The following FAM13C variants were observed in gnomAD, a reference collection of about 807,000 sequenced individuals.
FAM13C encodes the protein family with sequence similarity 13 member C.
A neutral mutation model predicts 73.2 loss-of-function variants in FAM13C; 37 were observed. The observed-to-expected ratio is 0.51, with a 90% CI of 0.39 to 0.67. The LOEUF (loss-of-function observed/expected upper bound fraction) is 0.67, where lower values mean the gene tolerates loss of function less well. Among genes scored for constraint, FAM13C ranks in the 30% least tolerant of loss-of-function variants. The pLI is 0.00. For synonymous variants in FAM13C, 246 were observed against 260.9 expected (o/e 0.94, Z 0.55); for missense variants, 589 against 715.6 (o/e 0.82, Z 2.02).
intron 5 of FAM13C, among the ~76,000 whole-genome samples, chr10:59,299,996 G>A (rs917177144): frequency 2.0e-5 from 3 of 152,088 alleles, no homozygotes; most frequent in Non-Finnish European, 4.4e-5. Context: ...AATGAGACTG[G>A]CAGGTGTCAA....
intron 5 of FAM13C, among the ~76,000 whole-genome samples, chr10:59,286,252 G>A (rs951270637): frequency 3.9e-5 from 6 of 152,108 alleles, no homozygotes; most frequent in African/African-American, 1.4e-4. Context: ...GGTGGCCTAA[G>A]CCTGTAAATC....
At position 59,264,186 on chromosome 10, in the gene FAM13C, A is replaced by G. The variant is rs1259077941; in HGVS notation, c.943-20T>C. The G allele has an allele frequency of 2.3e-6, 2 of 876,496 alleles. No homozygotes were observed. Among genetic ancestry groups the G allele is most frequent in the Non-Finnish European group, 3.6e-6 (2 of 560,386 alleles). 54.3% of individuals were successfully genotyped at this position (876,496 alleles called of 1,614,324 possible). ...TGAAGGCTACCAAGGGAAGGAAAAA[A>G]TGGGGGTGGAAGGGAGGGAAGGAGG... On this transcript the variant is annotated intron_variant, in intron 8 of 13. Coordinates refer to ENST00000618804, the MANE Select transcript of FAM13C (RefSeq NM_198215.4).
At position 59,251,733 on chromosome 10, in the gene FAM13C, A is replaced by G. The variant is rs148043259; in HGVS notation, c.1533-57T>C. 43 of 1,321,148 alleles carry G rather than the reference A, an allele frequency of 3.3e-5. No homozygotes were observed. In the African/African-American group the frequency reaches 6.0e-4, roughly 18 times the overall value. The allele number at this position is 1,321,148 out of a possible 1,614,324, so 81.8% of individuals were successfully genotyped here. A position where few individuals can be genotyped will look rare whatever the true frequency, so the allele number is the denominator to read the frequency against. ...GCACTGGCATAATTGAGAGATCATC[A>G]TGAGCAGATTTATCTGTTCAGCCAA... On this transcript the variant is annotated intron_variant, in intron 12 of 13. Coordinates refer to ENST00000618804, the MANE Select transcript of FAM13C (RefSeq NM_198215.4).
intron 4 of FAM13C, among the ~76,000 whole-genome samples, chr10:59,317,584 C>T (rs1167039175): frequency 1.3e-5 from 2 of 152,080 alleles, no homozygotes; most frequent in Non-Finnish European, 2.9e-5. Context: ...CATAAATGAA[C>T]TCACCAACCT....
chr10:59,344,134 TTG>T (rs1853920285), intron 3 of FAM13C, among the ~76,000 whole-genome samples: 1 of 150,158 alleles, frequency 6.7e-6, no homozygotes, highest in South Asian at 2.1e-4. Flanking sequence ...GCTAATTTTT[TTG>T]TGTTTTTAGT....
chr10:59,342,195 T>C (rs1261825334), intron 3 of FAM13C, among the ~76,000 whole-genome samples: 1 of 152,114 alleles, frequency 6.6e-6, no homozygotes, highest in East Asian at 1.9e-4. Flanking sequence ...TTTGAGAACA[T>C]CTATCAAATT....
chr10:59,310,724 C>T (rs368413356), intron 4 of FAM13C, among the ~76,000 whole-genome samples: 15 of 152,188 alleles, frequency 9.9e-5, no homozygotes, highest in African/African-American at 3.4e-4. Context: ...CAGCTAGAAA[C>T]AGAACACTGA....
At chr10:59,344,074 G>A (rs1207220229) in intron 3 of FAM13C, among the ~76,000 whole-genome samples, 1 of 148,092 alleles carries the variant, frequency 6.8e-6, no homozygotes, top group Admixed American at 6.9e-5. Context: ...CCATTCTTCT[G>A]CCTCAGCTTC....
intron 5 of FAM13C, among the ~76,000 whole-genome samples, chr10:59,289,308 G>T (rs1177828075): frequency 6.6e-6 from 1 of 152,162 alleles, no homozygotes; most frequent in Non-Finnish European, 1.5e-5. Context: ...CTACAGGCCG[G>T]TACTGGTCCA....
chr10:59,285,387 TG>T (rs563108230), intron 5 of FAM13C, among the ~76,000 whole-genome samples: 7 of 140,200 alleles, frequency 5.0e-5, no homozygotes, highest in Non-Finnish European at 1.1e-4. Flanking sequence ...AACAAGCAGC[TG>T]GGAGGCAAAC....
chr10:59,303,104 C>A (rs1262925556), intron 4 of FAM13C, among the ~76,000 whole-genome samples: 1 of 152,190 alleles, frequency 6.6e-6, no homozygotes. Context: ...CACACTCCAG[C>A]CACCCTGGCC....
chr10:59,355,779 G>A, intron 2 of FAM13C, 108 bp downstream of exon 2: 2 of 1,163,822 alleles, frequency 1.7e-6, no homozygotes, highest in Non-Finnish European at 2.5e-6. Context: ...TGAGACATGA[G>A]AACAAATAAT....
At chr10:59,360,447 G>A (rs984117133) in intron 1 of FAM13C, among the ~76,000 whole-genome samples, 27 of 152,072 alleles carry the variant, frequency 1.8e-4, no homozygotes, top group African/African-American at 5.6e-4. Flanking sequence ...TCCCTCCTCC[G>A]TGTAGGCCAA....
intron 1 of FAM13C, chr10:59,361,130 C>A: frequency 7.8e-7 from 1 of 1,284,126 alleles, no homozygotes; most frequent in Non-Finnish European, 1.0e-6. Flanking sequence ...AGCAACATTG[C>A]AGCACAGGTT....
At position 59,327,926 on chromosome 10, in the gene FAM13C, C is replaced by T. The variant is rs553860497; in HGVS notation, c.325-3820G>A. On this transcript the variant is annotated intron_variant, in intron 3 of 13. Coordinates refer to ENST00000618804, the MANE Select transcript of FAM13C (RefSeq NM_198215.4). ...TGTCTGTCAAATGGTCAGATCCAAA[C>T]TGACCAAGGGGACTGAGGGAAGAAG... Among the ~76,000 whole-genome samples, 16 of 152,294 alleles carry T rather than the reference C, an allele frequency of 1.1e-4. 1 individual carries two copies. In the South Asian group the frequency reaches 1.7e-3, roughly 16 times the overall value.
intron 5 of FAM13C, among the ~76,000 whole-genome samples, chr10:59,284,100 G>A (rs1381174674): frequency 6.6e-6 from 1 of 151,904 alleles, no homozygotes; most frequent in Non-Finnish European, 1.5e-5. Flanking sequence ...GAAAGAAAAG[G>A]GTGGAGGGAG....
chr10:59,314,194 A>G (rs1849261302), intron 4 of FAM13C, among the ~76,000 whole-genome samples: 1 of 152,128 alleles, frequency 6.6e-6, no homozygotes, highest in Non-Finnish European at 1.5e-5. Context: ...AGCAAGATAG[A>G]TGTATTGGCA....
intron 10 of FAM13C, 150 bp downstream of exon 10, chr10:59,262,284 C>T: frequency 1.5e-6 from 1 of 660,080 alleles, no homozygotes; most frequent in Non-Finnish European, 2.6e-6. Context: ...CTGCTCGTGG[C>T]CAGTAACCTG....
chr10:59,313,531 T>C (rs1849183041), intron 4 of FAM13C, among the ~76,000 whole-genome samples: 1 of 152,114 alleles, frequency 6.6e-6, no homozygotes, highest in African/African-American at 2.4e-5. Context: ...TTAAAAACCT[T>C]TTTGAAATTG....
Sources: allele counts gnomAD v4.1 joint callset (sites outside exome capture counted in the v4.1 genomes callset), GRCh38; gene constraint gnomAD v4.1.1; transcripts MANE v1.5; gene names NCBI Gene and HGNC (gene_info 2026-07-23, HGNC 2026-07-21).